The following FAM20C variants were observed in gnomAD, a reference collection of about 807,000 sequenced individuals.
The protein encoded by FAM20C is extracellular serine/threonine protein kinase FAM20C.
FAM20C carries 40 observed loss-of-function variants against 51.5 expected under a neutral mutation model. The observed-to-expected ratio is 0.78, with a 90% CI of 0.60 to 1.01. The LOEUF is 1.01. FAM20C is among the 50% of genes least tolerant of loss of function. The pLI, the probability that FAM20C is intolerant of heterozygous loss-of-function variation, is 0.00. For missense variants in FAM20C, 861 were observed against 844.7 expected (o/e 1.02, Z -0.24); for synonymous variants, 406 against 380.6 (o/e 1.07, Z -0.78).
intron 3 of FAM20C, among the ~76,000 whole-genome samples, chr7:218,658 G>A (rs763097720): frequency 5.1e-4 from 77 of 152,366 alleles, no homozygotes; most frequent in Non-Finnish European, 9.1e-4. Flanking sequence ...GCCGAGGACA[G>A]GGCTGGTCAC....
At chr7:217,910 G>A (rs1365301631) in intron 3 of FAM20C, among the ~76,000 whole-genome samples, 1 of 152,112 alleles carries the variant, frequency 6.6e-6, no homozygotes. Context: ...GAGAGGAGGT[G>A]CAGCTGCTCT....
intron 2 of FAM20C, among the ~76,000 whole-genome samples, chr7:202,601 C>G (rs113505302): frequency 5.4e-4 from 48 of 89,206 alleles, no homozygotes; most frequent in Middle Eastern, 8.3e-3. Flanking sequence ...ATGGGGGGGC[C>G]CTATGGATAT....
chr7:208,988 G>T lies in FAM20C; in HGVS notation c.863+12G>T. 1 of 1,572,188 alleles carries T rather than the reference G, an allele frequency of 6.4e-7. No homozygotes were observed. The highest frequency in any genetic ancestry group is 8.6e-7 in the Non-Finnish European group (1 of 1,158,846). ...TTCAAACCCATGAAGTAAGTGCCGA[G>T]GCCTGTGGGCTGGGGCGTGAGGAGC... On this transcript the variant is annotated intron_variant, in intron 3 of 9. Coordinates refer to ENST00000313766, the MANE Select transcript of FAM20C (RefSeq NM_020223.4).
At chr7:256,143 C>A in intron 6 of FAM20C, 114 bp downstream of exon 6, 1 of 1,288,212 alleles carries the variant, frequency 7.8e-7, no homozygotes, top group Non-Finnish European at 1.0e-6. Flanking sequence ...GGTGCAGAGC[C>A]TGCTGTGCGA....
Position 195,673 on chromosome 7 carries a change from A to C in FAM20C, c.725A>C (p.His242Pro), listed in dbSNP as rs768052338. 4.3e-6 allele frequency: 7 copies of C among 1,611,156 alleles called. No homozygotes were observed. Among genetic ancestry groups the C allele is most frequent in the Non-Finnish European group, 5.9e-6 (7 of 1,178,744 alleles). Residue 242 changes from histidine to proline, a missense_variant, in exon 2 of 10, where the codon CAC becomes CCC. By Grantham distance (77) the His-to-Pro change is moderately conservative (BLOSUM62 -2). Coordinates refer to ENST00000313766, the MANE Select transcript of FAM20C (RefSeq NM_020223.4). ...AACCGGTACGAGCTGTACTCCAGACACAACCCGGCCATCGAGGCCCTGCTG... is the reference window on the plus strand; with the variant it reads ...AACCGGTACGAGCTGTACTCCAGACCCAACCCGGCCATCGAGGCCCTGCTG... ...GINRYELYSRHNPAIEALLHD... is the reference protein window; with the variant it reads ...GINRYELYSRPNPAIEALLHD...
At chr7:227,225 A>G (rs28548330) in intron 3 of FAM20C, among the ~76,000 whole-genome samples, 135,619 of 151,868 alleles carry the variant, frequency 0.89, 60,858 homozygotes, top group African/African-American at 0.93. Context: ...TGTGTGGGCC[A>G]TCGTTCTAAT....
chr7:227,618 T>C (rs1284528205), intron 3 of FAM20C: 1 of 152,138 alleles, frequency 6.6e-6, no homozygotes, highest in Admixed American at 6.5e-5. Flanking sequence ...AAGGGTTTCA[T>C]AGGAAAGATG....
Position 208,962 on chromosome 7 carries a change from G to A in FAM20C, c.849G>A (p.Leu283=). 2 of 1,584,166 alleles carry A rather than the reference G, an allele frequency of 1.3e-6. No individual in the cohort carries two copies. Among genetic ancestry groups the A allele is most frequent in the Non-Finnish European group, 1.7e-6 (2 of 1,165,218 alleles). ...IMTFQNYGQA[L]FKPMKQTREQ... ...CCTTCCAGAATTACGGGCAAGCGCTGTTCAAACCCATGAAGTAAGTGCCGA... is the reference window on the plus strand; with the variant it reads ...CCTTCCAGAATTACGGGCAAGCGCTATTCAAACCCATGAAGTAAGTGCCGA... Residue 283 remains leucine, a synonymous_variant, in exon 3 of 10, where the codon CTG becomes CTA. Coordinates refer to ENST00000313766, the MANE Select transcript of FAM20C (RefSeq NM_020223.4).
chr7:237,335 G>T (rs1787877170), intron 3 of FAM20C, among the ~76,000 whole-genome samples: 1 of 152,236 alleles, frequency 6.6e-6, no homozygotes, highest in South Asian at 2.1e-4. Context: ...CGAATCATCG[G>T]CAGATAGAAA....
At position 206,951 on chromosome 7, in the gene FAM20C, G is replaced by T. The variant is rs112433514; in HGVS notation, c.785-1947G>T. On this transcript the variant is annotated intron_variant, in intron 2 of 9. Transcript: ENST00000313766. ...GCACACGTGTCCACTGTGAGGCGTC[G>T]GTCACGGCCCCCTCGGCCCCGCACA... Among the ~76,000 whole-genome samples the T allele has an allele frequency of 1.2e-4, 5 of 40,962 alleles. 1 individual carries two copies. The highest frequency in any genetic ancestry group is 2.2e-4 in the Admixed American group (1 of 4,510). The allele number at this position is 40,962 out of a possible 152,430, so 26.9% of individuals were successfully genotyped here. A position where few individuals can be genotyped will look rare whatever the true frequency, so the allele number is the denominator to read the frequency against.
rs1788246518 is a variant in FAM20C at position 248,219 on chromosome 7, A to C, written c.957-96A>C. On this transcript the variant is annotated intron_variant, in intron 4 of 9. Transcript: ENST00000313766. Reference sequence around the variant, plus strand: ...AGGCCCGCTGAGCCGCACAGAGCACAGACCCTCCCCTGCCCCGTTCTTATT... The same window carrying C: ...AGGCCCGCTGAGCCGCACAGAGCACCGACCCTCCCCTGCCCCGTTCTTATT... 4.6e-6 allele frequency: 4 copies of C among 862,276 alleles called. No homozygotes were observed. In the East Asian group the frequency reaches 1.1e-4, roughly 23 times the overall value. The allele number at this position is 862,276 out of a possible 1,614,324, so 53.4% of individuals were successfully genotyped here.
intron 5 of FAM20C, among the ~76,000 whole-genome samples, chr7:250,795 T>C (rs2115157864): frequency 6.6e-6 from 1 of 152,358 alleles, no homozygotes; most frequent in Admixed American, 6.5e-5. Flanking sequence ...GATGCCCGAC[T>C]GCTTCTTATC....
Position 229,181 on chromosome 7 carries a change from C to T in FAM20C, c.864-17234C>T, listed in dbSNP as rs75880658. 8.4e-4 allele frequency: 225 copies of T among 267,530 alleles called. 2 individuals are homozygous for T. Among genetic ancestry groups the T allele is most frequent in the African/African-American group, 4.6e-3 (213 of 46,022 alleles). The allele number at this position is 267,530 out of a possible 1,614,324, so 16.6% of individuals were successfully genotyped here. A position where few individuals can be genotyped will look rare whatever the true frequency, so the allele number is the denominator to read the frequency against. On this transcript the variant is annotated intron_variant, in intron 3 of 9. Coordinates refer to ENST00000313766, the MANE Select transcript of FAM20C (RefSeq NM_020223.4). ...CACCTCCGGGTTTGTGTGAAATAGGCGGATTGTCTGGGCTCCGATGTGTGG... is the reference window on the plus strand; with the variant it reads ...CACCTCCGGGTTTGTGTGAAATAGGTGGATTGTCTGGGCTCCGATGTGTGG...
rs1365887573 is a variant in FAM20C, at chr7:205,898, C to CTCG, written c.785-2999_785-2997dup. On this transcript the variant is annotated intron_variant, in intron 2 of 9. Coordinates refer to ENST00000313766, the MANE Select transcript of FAM20C (RefSeq NM_020223.4). ...CTCCCAGCCAGCCGCCACCTGAGAC[C>CTCG]TCGGTTCCTCTGGGTCAGTTCTTCC... Among the ~76,000 whole-genome samples, 8 of 152,296 alleles carry CTCG rather than the reference C, an allele frequency of 5.3e-5. No homozygotes were observed. In the East Asian group the frequency reaches 1.4e-3, roughly 26 times the overall value.
intron 3 of FAM20C, among the ~76,000 whole-genome samples, chr7:220,343 G>T (rs28447558): frequency 0.32 from 49,402 of 152,096 alleles, 8,179 homozygotes; most frequent in East Asian, 0.51. Flanking sequence ...CCACCCACTG[G>T]GCGCCTGCTG....
chr7:258,319 TGCCC>T (rs1435357011), intron 8 of FAM20C, among the ~76,000 whole-genome samples: 2,280 of 111,342 alleles, frequency 0.02, 341 homozygotes, highest in Non-Finnish European at 0.028. Flanking sequence ...ATGGACCCAC[TGCCC>T]GGGGTGCTGG....
chr7:211,743 C>T (rs1011627749), intron 3 of FAM20C, among the ~76,000 whole-genome samples: 12 of 152,188 alleles, frequency 7.9e-5, no homozygotes, highest in African/African-American at 2.7e-4. Flanking sequence ...GCCTGAGAAG[C>T]CTGCTGCAGT....
At chr7:237,740 AGAT>A (rs1322269344) in intron 3 of FAM20C, among the ~76,000 whole-genome samples, 1 of 44,666 alleles carries the variant, frequency 2.2e-5, no homozygotes, top group Non-Finnish European at 5.0e-5. Context: ...TAATGATGGT[AGAT>A]GATGATAATG....
At chr7:258,197 CAGGGTGGA>C (rs1788701154) in intron 8 of FAM20C, among the ~76,000 whole-genome samples, 1 of 111,908 alleles carries the variant, frequency 8.9e-6, no homozygotes, top group African/African-American at 3.9e-5. Context: ...TGGAGATAGG[CAGGGTGGA>C]CCCACTGACT....
Sources: allele counts gnomAD v4.1 joint callset (sites outside exome capture counted in the v4.1 genomes callset), GRCh38; gene constraint gnomAD v4.1.1; transcripts MANE v1.5; gene names NCBI Gene and HGNC (gene_info 2026-07-23, HGNC 2026-07-21).